INSC: variants seen among roughly 807,000 people sequenced by gnomAD.
INSC encodes the protein protein inscuteable homolog.
Under a neutral mutation model 58.6 loss-of-function variants are expected in INSC, and 67 were observed. The observed-to-expected ratio is 1.14, with a 90% CI of 0.94 to 1.40. INSC has a LOEUF of 1.40. Ranked by LOEUF, INSC falls within the 40% of genes most tolerant of loss-of-function variation. The pLI is 0.00. For missense variants in INSC, 714 were observed against 692.0 expected (o/e 1.03, Z -0.36); for synonymous variants, 262 against 276.1 (o/e 0.95, Z 0.51).
At chr11:15,151,027 T>C (rs571670392) in intron 2 of INSC, among the ~76,000 whole-genome samples, 1 of 152,286 alleles carries the variant, frequency 6.6e-6, no homozygotes, top group East Asian at 1.9e-4. Flanking sequence ...AGAAGGTCTC[T>C]CTAGAGCCTG....
chr11:15,234,232 G>A (rs923052485), intron 9 of INSC, among the ~76,000 whole-genome samples: 5 of 152,186 alleles, frequency 3.3e-5, no homozygotes, highest in African/African-American at 4.8e-5. Context: ...GGCCCCTGAT[G>A]GGGTCTGAGC....
chr11:15,164,127 T>C (rs551186391), intron 2 of INSC, among the ~76,000 whole-genome samples: 156 of 134,380 alleles, frequency 1.2e-3, no homozygotes, highest in African/African-American at 4.0e-3. Context: ...TAGTCTTATC[T>C]GTTTTAAGAG....
chr11:15,195,124 T>G (rs1388258799), intron 6 of INSC, among the ~76,000 whole-genome samples: 1 of 152,188 alleles, frequency 6.6e-6, no homozygotes. Context: ...ATCTGTTTTC[T>G]CCAAGGATTC....
intron 7 of INSC, among the ~76,000 whole-genome samples, chr11:15,210,556 G>A (rs1850985923): frequency 6.9e-6 from 1 of 145,584 alleles, no homozygotes; most frequent in Non-Finnish European, 1.5e-5. Flanking sequence ...TGGTGGAGTG[G>A]GATGCAGCAG....
chr11:15,211,901 A>G (rs1419505585), intron 7 of INSC, among the ~76,000 whole-genome samples: 3 of 151,704 alleles, frequency 2.0e-5, no homozygotes, highest in Non-Finnish European at 2.9e-5. Flanking sequence ...TCTTGTGCCA[A>G]TAGAGCACGG....
chr11:15,261,863 G>T, the INSC span, among the ~76,000 whole-genome samples: 4 of 152,140 alleles, frequency 2.6e-5, no homozygotes, highest in Non-Finnish European at 5.9e-5. Flanking sequence ...ATACTTTTGT[G>T]CAGGTGTGAG....
chr11:15,127,245 C>T (rs914310373), intron 1 of INSC, among the ~76,000 whole-genome samples: 2 of 152,216 alleles, frequency 1.3e-5, no homozygotes, highest in Admixed American at 6.5e-5. Context: ...CTTCACCAAA[C>T]TCACATATTT....
rs1013816993 is a variant in INSC at position 15,160,257 on chromosome 11, C to T, written c.56+11027C>T. On this transcript the variant is annotated intron_variant, in intron 2 of 12. Transcript: ENST00000379556. ...TCAGAAGAGAGATCAAGGTCAAGAC[C>T]TCAATGATGTGTAGAAGCCAGCAAG... Among the ~76,000 whole-genome samples, 3 of 152,104 alleles carry T rather than the reference C, an allele frequency of 2.0e-5. No individual in the cohort carries two copies. The South Asian group carries it at 6.2e-4, about 32-fold the overall frequency.
upstream of INSC, among the ~76,000 whole-genome samples, chr11:15,113,109 T>TTC (rs757095095): frequency 0.017 from 1,306 of 74,904 alleles, 31 homozygotes; most frequent in African/African-American, 0.047. Context: ...TTTCTTTCTT[T>TTC]TCTCTCTCTC....
intron 5 of INSC, among the ~76,000 whole-genome samples, chr11:15,186,099 A>G (rs1158227264): frequency 6.6e-5 from 10 of 152,190 alleles, no homozygotes; most frequent in Admixed American, 6.5e-4. Context: ...TTTGAACATC[A>G]TCCTCAGCAG....
intron 7 of INSC, among the ~76,000 whole-genome samples, chr11:15,202,003 G>T (rs561212693): frequency 6.6e-6 from 1 of 152,310 alleles, no homozygotes; most frequent in African/African-American, 2.4e-5. Flanking sequence ...AACCTACTCA[G>T]ATTATTGGGA....
At chr11:15,112,395 TG>T, upstream of INSC, 2 of 1,283,726 alleles carry the variant, frequency 1.6e-6, no homozygotes, top group Non-Finnish European at 2.2e-6. Flanking sequence ...CCCAGAAGGG[TG>T]GGCAAAGGGA....
At chr11:15,134,555 T>A (rs1848198407) in intron 1 of INSC, among the ~76,000 whole-genome samples, 1 of 152,204 alleles carries the variant, frequency 6.6e-6, no homozygotes, top group Non-Finnish European at 1.5e-5. Context: ...AGTTTACTTC[T>A]TTGTCCAGAG....
At chr11:15,248,760 G>A (rs884709), downstream of INSC, among the ~76,000 whole-genome samples, 70,101 of 151,926 alleles carry the variant, frequency 0.46, 17,153 homozygotes, top group East Asian at 0.75. Flanking sequence ...TTATTATGAA[G>A]GTGCATGTAT....
chr11:15,250,592 A>G (rs1008289525), downstream of INSC, among the ~76,000 whole-genome samples: 1 of 152,212 alleles, frequency 6.6e-6, no homozygotes, highest in Admixed American at 6.5e-5. Flanking sequence ...CCTTAGGATT[A>G]TGAAGTTTCA....
the INSC span, among the ~76,000 whole-genome samples, chr11:15,268,215 A>G: frequency 6.6e-6 from 1 of 152,036 alleles, no homozygotes; most frequent in East Asian, 1.9e-4. Flanking sequence ...CCAAGATTTC[A>G]ATTGCTTCAG....
At chr11:15,116,675 G>A (rs1847703230) in intron 1 of INSC, among the ~76,000 whole-genome samples, 1 of 152,044 alleles carries the variant, frequency 6.6e-6, no homozygotes, top group Non-Finnish European at 1.5e-5. Context: ...TTTCAGCTGG[G>A]AAGTTAGAAA....
At chr11:15,228,442 GC>G (rs1851724104) in intron 9 of INSC, among the ~76,000 whole-genome samples, 1 of 152,140 alleles carries the variant, frequency 6.6e-6, no homozygotes, top group Non-Finnish European at 1.5e-5. Flanking sequence ...TCTGAGCCAG[GC>G]ACGTCACCCA....
chr11:15,227,673 T>C (rs7102239), intron 9 of INSC, among the ~76,000 whole-genome samples: 4,668 of 152,302 alleles, frequency 0.031, 67 homozygotes, highest in Middle Eastern at 0.044. Flanking sequence ...ATTGGCTTGA[T>C]TGACTCCTGA....
Sources: gnomAD v4.1 joint callset for allele counts (sites outside exome capture counted in the v4.1 genomes callset) on GRCh38, gnomAD v4.1.1 for gene constraint, MANE v1.5 for transcripts, NCBI Gene and HGNC (gene_info 2026-07-23, HGNC 2026-07-21) for gene names.